The following SBSN variants were observed in gnomAD, a reference collection of about 807,000 sequenced individuals.
SBSN encodes HLAR698.
SBSN carries 33 observed loss-of-function variants against 42.8 expected under a neutral mutation model. The ratio of observed to expected loss-of-function variants is 0.77; its 90% CI spans 0.58 to 1.03. SBSN has a LOEUF of 1.03. SBSN is among the 50% of genes least tolerant of loss of function. The probability of loss-of-function intolerance (pLI) is 0.00; values close to 1 mark genes in which losing one functional copy is unlikely to be tolerated. For missense variants in SBSN, 646 were observed against 757.3 expected (o/e 0.85, Z 1.72); for synonymous variants, 276 against 307.0 (o/e 0.90, Z 1.06).
At position 35,527,572 on chromosome 19, in the gene SBSN, T is replaced by C; in HGVS notation, c.710A>G (p.Lys237Arg). The C allele has an allele frequency of 2.6e-6, 4 of 1,525,984 alleles. No individual in the cohort carries two copies. The highest frequency in any genetic ancestry group is 3.5e-6 in the Non-Finnish European group (4 of 1,145,526). 94.5% of individuals were successfully genotyped at this position (1,525,984 alleles called of 1,614,324 possible). A position where few individuals can be genotyped will look rare whatever the true frequency, so the allele number is the denominator to read the frequency against. Residue 237 changes from lysine to arginine, a missense_variant, in exon 1 of 4, where the codon AAG (lysine) becomes AGG (arginine). Physicochemically the swap from Lys to Arg is conservative, Grantham distance 26. Transcript: ENST00000452271. ...CCCCTGGCCAAACTTCTCTGCCTCC[T>C]TCCCAACCTGACCGGCAGCATGGTG... ...GIHHAAGQVG[K>R]EAEKFGQGAH...
intron 3 of SBSN, among the ~76,000 whole-genome samples, chr19:35,524,064 C>A (rs1374318176): frequency 6.6e-6 from 1 of 152,226 alleles, no homozygotes; most frequent in Non-Finnish European, 1.5e-5. Context: ...CCTGTAATCC[C>A]AGCCACTCAG....
At position 35,527,121 on chromosome 19, in the gene SBSN, G is replaced by A; in HGVS notation, c.1161C>T (p.Gly387=). 2.6e-6 allele frequency: 4 copies of A among 1,536,878 alleles called. No homozygotes were observed. Among genetic ancestry groups the A allele is most frequent in the Non-Finnish European group, 3.5e-6 (4 of 1,146,802 alleles). ...NEAWKEAEKF[G]QGVHHAASQV... ...GCGAGGCAGCATGGTGGACACCCTGGCCAAACTTCTCTGCTTCCTTCCAGG... is the reference window on the plus strand; with the variant it reads ...GCGAGGCAGCATGGTGGACACCCTGACCAAACTTCTCTGCTTCCTTCCAGG... The change falls in exon 1 of 4, where the codon GGC becomes GGT. Residue 387 remains glycine, a synonymous_variant. Transcript: ENST00000452271.
Position 35,527,131 on chromosome 19 carries a change from T to G in SBSN, c.1151A>C (p.Glu384Ala). 1 of 1,535,772 alleles carries G rather than the reference T, an allele frequency of 6.5e-7. No homozygotes were observed. Among genetic ancestry groups the G allele is most frequent in the Non-Finnish European group, 8.7e-7 (1 of 1,146,444 alleles). ...HGVNEAWKEA[E>A]KFGQGVHHAA... ...ATGGTGGACACCCTGGCCAAACTTCTCTGCTTCCTTCCAGGCCTCATTAAC... is the reference window on the plus strand; with the variant it reads ...ATGGTGGACACCCTGGCCAAACTTCGCTGCTTCCTTCCAGGCCTCATTAAC... Residue 384 changes from glutamate (E) to alanine (A), a missense_variant, in exon 1 of 4, where the codon GAG (glutamate) becomes GCG (alanine). Transcript: ENST00000452271.
rs1449245559 is a variant in SBSN at position 35,527,903 on chromosome 19, C to T, written c.379G>A (p.Gly127Arg). ...HGVNNAAGQV[G>R]KEADKLIHHG... is the part of the protein sequence containing the mutation. ...TGGATCAGTTTGTCTGCCTCCTTCC[C>T]AACCTGTCCAGCAGCGTTGTTGACC... The change falls in exon 1 of 4, where the codon GGG becomes AGG. Residue 127 changes from glycine (G) to arginine (R), a missense_variant. Coordinates refer to ENST00000452271, the MANE Select transcript of SBSN (RefSeq NM_001166034.2). 1.2e-6 allele frequency: 2 copies of T among 1,614,186 alleles called. No homozygotes were observed. Among genetic ancestry groups the T allele is most frequent in the East Asian group, 4.5e-5 (2 of 44,876 alleles).
At chr19:35,524,004 C>T (rs753313453) in intron 3 of SBSN, among the ~76,000 whole-genome samples, 1 of 152,122 alleles carries the variant, frequency 6.6e-6, no homozygotes, top group Non-Finnish European at 1.5e-5. Context: ...TATGGTGAAA[C>T]CCCTGTCTCT....
intron 3 of SBSN, 22 bp from the exon 4 acceptor site, chr19:35,523,555 G>C: frequency 6.2e-7 from 1 of 1,613,976 alleles, no homozygotes; most frequent in Non-Finnish European, 8.5e-7. Flanking sequence ...AAGGAGAGCA[G>C]GGGTGAATGT....
At position 35,526,704 on chromosome 19, in the gene SBSN, C is replaced by T. The variant is rs771953403; in HGVS notation, c.1578G>A (p.Glu526=). 1.2e-6 allele frequency: 2 copies of T among 1,613,670 alleles called. No individual in the cohort carries two copies. The highest frequency in any genetic ancestry group is 1.7e-6 in the Non-Finnish European group (2 of 1,179,930). Residue 526 remains glutamate (E), a synonymous_variant, in exon 1 of 4, where the codon GAG becomes GAA. Transcript: ENST00000452271. ...AHHAAGQAGK[E]LQNAHNGVNQ... is the part of the protein sequence containing the mutation. The stretch of plus-strand genomic sequence containing the variant: ...TGACCCCATTATGAGCATTCTGCAG[C>T]TCCTTCCCGGCCTGGCCAGCAGCAT...
rs759696035 is a variant in SBSN, at chr19:35,527,847, C to T, written c.435G>A (p.Ala145=). The change falls in exon 1 of 4, where the codon GCG becomes GCA. Residue 145 remains alanine (A), a synonymous_variant. Coordinates refer to ENST00000452271, the MANE Select transcript of SBSN (RefSeq NM_001166034.2). The stretch of plus-strand genomic sequence containing the variant: ...GGCCAAACTTCCCTGCCTCACTTCC[C>T]GCCTGGTTGGCCCCGTGATGGACCC... ...HHGVHHGANQ[A]GSEAGKFGQG... 2.0e-5 allele frequency: 32 copies of T among 1,613,938 alleles called. No individual in the cohort carries two copies. Among genetic ancestry groups the T allele is most frequent in the Middle Eastern group, 1.6e-4 (1 of 6,084 alleles).
At chr19:35,524,220 G>A (rs911162557) in intron 3 of SBSN, among the ~76,000 whole-genome samples, 2 of 152,140 alleles carry the variant, frequency 1.3e-5, no homozygotes, top group Admixed American at 1.3e-4. Context: ...AGTTTACTTT[G>A]AGCCCCAACT....
In SBSN at chr19:35,524,699, T is replaced by C; in HGVS notation, c.1749+12A>G. On this transcript the variant is annotated intron_variant, in intron 3 of 3. Transcript: ENST00000452271. ...GACGCAGAGCAGAAAAGAGACACCA[T>C]GGGGCACTCACCCTCCACAGGGCGG... 1.2e-6 allele frequency: 2 copies of C among 1,613,612 alleles called. No individual in the cohort carries two copies. The highest frequency in any genetic ancestry group is 2.2e-5 in the East Asian group (1 of 44,868).
At chr19:35,526,555 ACC>A in intron 1 of SBSN, 87 bp downstream of exon 1, 1 of 1,045,672 alleles carries the variant, frequency 9.6e-7, no homozygotes, top group Non-Finnish European at 1.3e-6. Context: ...GGCTACGCGG[ACC>A]CCCCCGCCCC....
intron 3 of SBSN, among the ~76,000 whole-genome samples, chr19:35,523,812 G>A (rs2071338691): frequency 6.6e-6 from 1 of 152,220 alleles, no homozygotes; most frequent in South Asian, 2.1e-4. Flanking sequence ...GGATACACAA[G>A]GGTGGGCCTT....
At chr19:35,525,519 G>GC (rs147797716) in intron 1 of SBSN, among the ~76,000 whole-genome samples, 3,846 of 148,278 alleles carry the variant, frequency 0.026, 140 homozygotes, top group African/African-American at 0.078. Context: ...CGACGTCTGA[G>GC]CCAGTCACAT....
In SBSN at chr19:35,524,858, C is replaced by T. The variant is rs750634273; in HGVS notation, c.1704+1G>A. The T allele has an allele frequency of 1.9e-6, 3 of 1,614,078 alleles. No individual in the cohort carries two copies. Among genetic ancestry groups the T allele is most frequent in the Non-Finnish European group, 2.5e-6 (3 of 1,179,992 alleles). On this transcript the variant is annotated splice_donor_variant, in intron 2 of 3. Coordinates refer to ENST00000452271, the MANE Select transcript of SBSN (RefSeq NM_001166034.2). LOFTEE classifies it high-confidence loss of function. ...TCCCCTACCCCAGAGTCCGCGCTTA[C>T]CCCAGAGGCTAACGGCGTGGTTGTG... is the stretch of plus-strand genomic sequence containing the variant.
intron 3 of SBSN, among the ~76,000 whole-genome samples, chr19:35,523,889 A>G (rs1157922675): frequency 6.6e-6 from 1 of 152,194 alleles, no homozygotes; most frequent in Non-Finnish European, 1.5e-5. Context: ...AATAAGTGCA[A>G]AAAGAGGCTG....
At position 35,527,518 on chromosome 19, in the gene SBSN, T is replaced by C; in HGVS notation, c.764A>G (p.Asn255Ser). ...CCCCTGGCCAAATCTCCCTGCCTCA[T>C]TTCCGGCCTGCCCCGCAGCATGGTG... Reference protein sequence around the residue: ...GAHHAAGQAGNEAGRFGQGVH... With the variant: ...GAHHAAGQAGSEAGRFGQGVH... Residue 255 changes from asparagine (N) to serine (S), a missense_variant, in exon 1 of 4, where the codon AAT (asparagine) becomes AGT (serine). Around this residue, in one of 3 missense-constraint regions of SBSN, gnomAD observed 220 missense variants for 334.5 expected, o/e 0.66. Coordinates refer to ENST00000452271, the MANE Select transcript of SBSN (RefSeq NM_001166034.2). 6.5e-7 allele frequency: 1 copy of C among 1,528,684 alleles called. No homozygotes were observed. The allele number at this position is 1,528,684 out of a possible 1,614,324, so 94.7% of individuals were successfully genotyped here.
In SBSN at chr19:35,523,437, C is replaced by G. The variant is rs2071333785; in HGVS notation, c.*73G>C. The G allele has an allele frequency of 1.3e-6, 2 of 1,504,964 alleles. No homozygotes were observed. Among genetic ancestry groups the G allele is most frequent in the Non-Finnish European group, 1.8e-6 (2 of 1,081,106 alleles). The allele number at this position is 1,504,964 out of a possible 1,614,324, so 93.2% of individuals were successfully genotyped here. A position where few individuals can be genotyped will look rare whatever the true frequency, so the allele number is the denominator to read the frequency against. ...GGATTTCAGAAACCTGTCCCCCACC[C>G]CCAACCCCTCCAGGTCATGTCAGCT... On this transcript the variant is annotated 3_prime_UTR_variant, in exon 4 of 4. Transcript: ENST00000452271.
In SBSN at chr19:35,524,879, T is replaced by C; in HGVS notation, c.1684A>G (p.Thr562Ala). 6.2e-7 allele frequency: 1 copy of C among 1,614,086 alleles called. No individual in the cohort carries two copies. The highest frequency in any genetic ancestry group is 1.1e-5 in the South Asian group (1 of 91,080). Residue 562 changes from threonine to alanine, a missense_variant, in exon 2 of 4, where the codon ACC (threonine) becomes GCC (alanine). Coordinates refer to ENST00000452271, the MANE Select transcript of SBSN (RefSeq NM_001166034.2). Reference protein sequence around the residue: ...GSSSHQGGATTTPLASGASVN... With the variant: ...GSSSHQGGATATPLASGASVN... The stretch of plus-strand genomic sequence containing the variant: ...CTTACCCCAGAGGCTAACGGCGTGG[T>C]TGTGGCCCCTCCTTGATGGCTGGAA...
chr19:35,523,701 A>T (rs985463102), intron 3 of SBSN, among the ~76,000 whole-genome samples, 168 bp from the exon 4 acceptor site: 12 of 152,174 alleles, frequency 7.9e-5, no homozygotes, highest in African/African-American at 2.4e-4. Flanking sequence ...TAAGAACACA[A>T]GGAAGCCAGT....
Sources: gnomAD v4.1 joint callset for allele counts (sites outside exome capture counted in the v4.1 genomes callset) on GRCh38, gnomAD v4.1.1 for gene constraint, gnomAD v4.1.1 regional missense constraint, MANE v1.5 for transcripts, NCBI Gene and HGNC (gene_info 2026-07-23, HGNC 2026-07-21) for gene names.